Variants in VAV3 observed in about 807,000 individuals in gnomAD.
VAV3 encodes the protein guanine nucleotide exchange factor VAV3.
A neutral mutation model predicts 131.2 loss-of-function variants in VAV3; 94 were observed. The ratio of observed to expected loss-of-function variants is 0.72; its 90% CI spans 0.61 to 0.85. VAV3 has a LOEUF of 0.85. Among genes scored for constraint, VAV3 ranks in the 40% least tolerant of loss-of-function variants. The pLI, the probability that VAV3 is intolerant of heterozygous loss-of-function variation, is 0.00. For missense variants in VAV3, 939 were observed against 1,002.7 expected (o/e 0.94, Z 0.86); for synonymous variants, 349 against 342.0 (o/e 1.02, Z -0.22).
intron 1 of VAV3, among the ~76,000 whole-genome samples, chr1:107,917,036 C>G (rs909875343): frequency 6.6e-6 from 1 of 151,968 alleles, no homozygotes; most frequent in Non-Finnish European, 1.5e-5. Context: ...ATCAGATTGT[C>G]CAAAAATTTA....
intron 19 of VAV3, among the ~76,000 whole-genome samples, chr1:107,682,324 A>C (rs1178132248): frequency 6.6e-6 from 1 of 152,196 alleles, no homozygotes; most frequent in East Asian, 1.9e-4. Context: ...AATTTTTCTG[A>C]AACAGCAATA....
At chr1:107,583,910 A>G (rs2101020070) in intron 25 of VAV3, among the ~76,000 whole-genome samples, 1 of 152,286 alleles carries the variant, frequency 6.6e-6, no homozygotes, top group South Asian at 2.1e-4. Context: ...AAACTACTTT[A>G]AAGTTCATAT....
intron 2 of VAV3, among the ~76,000 whole-genome samples, chr1:107,813,641 A>G (rs1667425956): frequency 6.6e-6 from 1 of 152,166 alleles, no homozygotes; most frequent in Non-Finnish European, 1.5e-5. Flanking sequence ...AGCTATTTTG[A>G]AAAATGTAAT....
chr1:107,759,360 T>C (rs1043454099), intron 10 of VAV3, among the ~76,000 whole-genome samples: 8 of 152,228 alleles, frequency 5.3e-5, no homozygotes, highest in Admixed American at 3.9e-4. Context: ...ATAAAAGTCA[T>C]GTTATTAAAG....
chr1:107,817,685 A>T (rs1315427670), intron 2 of VAV3, among the ~76,000 whole-genome samples: 1 of 152,116 alleles, frequency 6.6e-6, no homozygotes, highest in African/African-American at 2.4e-5. Flanking sequence ...GGGGGTGAGG[A>T]GGCAAGGAGG....
intron 2 of VAV3, among the ~76,000 whole-genome samples, chr1:107,786,535 A>G (rs1666016116): frequency 6.6e-6 from 1 of 152,242 alleles, no homozygotes; most frequent in Admixed American, 6.5e-5. Context: ...ACAGACAGAC[A>G]GATATATGCA....
chr1:107,705,074 A>G lies in VAV3; in HGVS notation c.1503-13T>C, dbSNP rs768231687. 6.3e-7 allele frequency: 1 copy of G among 1,589,458 alleles called. No individual in the cohort carries two copies. Among genetic ancestry groups the G allele is most frequent in the Non-Finnish European group, 8.6e-7 (1 of 1,160,744 alleles). On this transcript the variant is annotated splice_polypyrimidine_tract_variant and intron_variant, in intron 15 of 26. Transcript: ENST00000370056. ...TCTTATGTTAGACCTAAAAAAAGGA[A>G]AAAAATAACTTTCTATAGAAAGTTT...
At chr1:107,760,436 A>G (rs953268072) in intron 10 of VAV3, among the ~76,000 whole-genome samples, 4 of 152,226 alleles carry the variant, frequency 2.6e-5, no homozygotes, top group African/African-American at 9.6e-5. Flanking sequence ...TAATCTGCCA[A>G]AATTCAAGTG....
At chr1:107,810,803 A>T (rs912436477) in intron 2 of VAV3, among the ~76,000 whole-genome samples, 9 of 152,204 alleles carry the variant, frequency 5.9e-5, no homozygotes, top group Non-Finnish European at 1.2e-4. Flanking sequence ...CAGTAAGAAG[A>T]CAGCAGAAAA....
At chr1:107,822,523 C>T (rs1376480787) in intron 2 of VAV3, among the ~76,000 whole-genome samples, 8 of 151,692 alleles carry the variant, frequency 5.3e-5, no homozygotes, top group Admixed American at 4.6e-4. Flanking sequence ...GGCAAGGTGG[C>T]GGGTGCCTGT....
chr1:107,611,949 A>G (rs1426022755), intron 21 of VAV3, among the ~76,000 whole-genome samples: 1 of 152,044 alleles, frequency 6.6e-6, no homozygotes, highest in African/African-American at 2.4e-5. Context: ...CAAGTACTTC[A>G]TATTTAAGAT....
In VAV3 at chr1:107,789,274, A is replaced by C. The variant is rs1290456044; in HGVS notation, c.322-9782T>G. ...GTCACACAACTCACTGGCAAAGATCACTGCTTCCTGAATGTTGTCCGTAGC... is the reference window on the plus strand; with the variant it reads ...GTCACACAACTCACTGGCAAAGATCCCTGCTTCCTGAATGTTGTCCGTAGC... On this transcript the variant is annotated intron_variant, in intron 2 of 26. Coordinates refer to ENST00000370056, the MANE Select transcript of VAV3 (RefSeq NM_006113.5). 2.0e-5 allele frequency among the ~76,000 whole-genome samples: 3 copies of C among 152,216 alleles called. No homozygotes were observed. In the East Asian group the frequency reaches 5.8e-4, roughly 29 times the overall value.
At chr1:107,882,182 A>G (rs1670814122) in intron 1 of VAV3, among the ~76,000 whole-genome samples, 1 of 152,188 alleles carries the variant, frequency 6.6e-6, no homozygotes, top group Non-Finnish European at 1.5e-5. Context: ...ACATTTCATG[A>G]GAAGGTCGGT....
Position 107,702,192 on chromosome 1 carries a change from G to A in VAV3, c.1705+2358C>T, listed in dbSNP as rs1185258734. Reference sequence around the variant, plus strand: ...ACAATCATGGCAGAAGGTGAAGCAGGTACATCTTACATGGTGACAAGTGAG... The same window carrying A: ...ACAATCATGGCAGAAGGTGAAGCAGATACATCTTACATGGTGACAAGTGAG... On this transcript the variant is annotated intron_variant, in intron 17 of 26. Coordinates refer to ENST00000370056, the MANE Select transcript of VAV3 (RefSeq NM_006113.5). Among the ~76,000 whole-genome samples the A allele has an allele frequency of 2.6e-5, 4 of 152,254 alleles. No homozygotes were observed. In the South Asian group the frequency reaches 6.2e-4, roughly 24 times the overall value.
chr1:107,637,149 C>T (rs1200214580), intron 20 of VAV3, among the ~76,000 whole-genome samples: 1 of 151,938 alleles, frequency 6.6e-6, no homozygotes, highest in African/African-American at 2.4e-5. Context: ...AATACAACCA[C>T]AGATTCTATA....
intron 21 of VAV3, among the ~76,000 whole-genome samples, chr1:107,613,266 T>TTAA (rs1473607902): frequency 2.0e-5 from 3 of 152,140 alleles, no homozygotes; most frequent in South Asian, 4.1e-4. Context: ...GAAGATTAGT[T>TTAA]TTATTATAGA....
At chr1:107,709,262 T>C (rs988316795) in intron 15 of VAV3, among the ~76,000 whole-genome samples, 22 of 152,146 alleles carry the variant, frequency 1.4e-4, no homozygotes, top group African/African-American at 5.3e-4. Flanking sequence ...CTCTTTATAG[T>C]CATCAAACAT....
At chr1:107,799,743 C>G (rs1367751625) in intron 2 of VAV3, among the ~76,000 whole-genome samples, 5 of 152,144 alleles carry the variant, frequency 3.3e-5, no homozygotes, top group African/African-American at 1.2e-4. Context: ...TACATAGAGT[C>G]ATGCTAACTA....
chr1:107,859,272 T>C (rs1400395329), intron 2 of VAV3, among the ~76,000 whole-genome samples: 1 of 152,120 alleles, frequency 6.6e-6, no homozygotes, highest in East Asian at 1.9e-4. Flanking sequence ...AACCTCACTA[T>C]GTTACCCAGG....
Sources: gnomAD v4.1 joint callset for allele counts (sites outside exome capture counted in the v4.1 genomes callset) on GRCh38, gnomAD v4.1.1 for gene constraint, MANE v1.5 for transcripts, NCBI Gene and HGNC (gene_info 2026-07-23, HGNC 2026-07-21) for gene names.